Variants in PTPRD observed in about 807,000 individuals in gnomAD.
PTPRD encodes receptor-type tyrosine-protein phosphatase delta.
Under a neutral mutation model 214.5 loss-of-function variants are expected in PTPRD, and 34 were observed. The observed-to-expected ratio is 0.16, with a 90% CI of 0.12 to 0.21. PTPRD has a LOEUF of 0.21. Among genes scored for constraint, PTPRD ranks in the 10% least tolerant of loss-of-function variants. PTPRD has a pLI of 1.00. For missense variants in PTPRD, 2,545 were observed against 2,398.7 expected, an observed-to-expected ratio of 1.06 and a Z score of -1.27; for synonymous variants, 1,128 against 845.7, an observed-to-expected ratio of 1.33 and a Z score of -5.79.
At chr9:9,818,288 C>G (rs2049436361) in intron 5 of PTPRD, among the ~76,000 whole-genome samples, 1 of 152,012 alleles carries the variant, frequency 6.6e-6, no homozygotes. Flanking sequence ...ACATAGCTGC[C>G]AATGTGTAAA....
At chr9:9,928,936 G>T (rs754355999) in intron 5 of PTPRD, among the ~76,000 whole-genome samples, 8 of 151,948 alleles carry the variant, frequency 5.3e-5, no homozygotes, top group Admixed American at 1.3e-4. Context: ...TTTGTAAAAG[G>T]CTTTCACAAA....
chr9:8,409,791 T>C (rs12345077), intron 35 of PTPRD, among the ~76,000 whole-genome samples: 4,308 of 152,236 alleles, frequency 0.028, 203 homozygotes, highest in African/African-American at 0.099. Context: ...AAAAAGATCA[T>C]CCTGTTTTTG....
intron 12 of PTPRD, among the ~76,000 whole-genome samples, chr9:8,717,344 A>G (rs1054770130): frequency 2.6e-5 from 4 of 152,154 alleles, no homozygotes; most frequent in Non-Finnish European, 5.9e-5. Flanking sequence ...TCTATGACTC[A>G]TCAAGCACTT....
intron 7 of PTPRD, among the ~76,000 whole-genome samples, chr9:9,625,223 A>G (rs1276022514): frequency 6.6e-6 from 1 of 152,188 alleles, no homozygotes; most frequent in Non-Finnish European, 1.5e-5. Context: ...GGGGATATGG[A>G]CAGTACACAC....
chr9:9,059,182 T>C (rs17665194), intron 10 of PTPRD, among the ~76,000 whole-genome samples: 8,024 of 152,216 alleles, frequency 0.053, 285 homozygotes, highest in Middle Eastern at 0.11. Flanking sequence ...TCAGAAATCA[T>C]AGTAGAGTCA....
At chr9:9,540,447 A>G (rs949729346) in intron 8 of PTPRD, among the ~76,000 whole-genome samples, 1 of 151,814 alleles carries the variant, frequency 6.6e-6, no homozygotes, top group African/African-American at 2.4e-5. Flanking sequence ...TACAATGTAC[A>G]GTAATGAAGT....
intron 8 of PTPRD, among the ~76,000 whole-genome samples, chr9:9,406,953 T>C (rs2073679889): frequency 6.6e-6 from 1 of 151,570 alleles, no homozygotes; most frequent in Non-Finnish European, 1.5e-5. Context: ...ACAGATTAGA[T>C]TTGAATTAGG....
intron 35 of PTPRD, among the ~76,000 whole-genome samples, chr9:8,414,593 A>C (rs2093762267): frequency 6.7e-6 from 1 of 148,910 alleles, no homozygotes; most frequent in South Asian, 2.1e-4. Flanking sequence ...GGAAGGATAA[A>C]TATTCCAGAA....
chr9:9,541,282 T>C (rs942170407), intron 8 of PTPRD, among the ~76,000 whole-genome samples: 1 of 151,782 alleles, frequency 6.6e-6, no homozygotes, highest in South Asian at 2.1e-4. Flanking sequence ...AGGACTTCAG[T>C]TGCCATGATA....
At chr9:10,596,704 G>C (rs968931969) in intron 2 of PTPRD, among the ~76,000 whole-genome samples, 6 of 151,562 alleles carry the variant, frequency 4.0e-5, no homozygotes, top group Admixed American at 6.6e-5. Flanking sequence ...GAACCTAGTA[G>C]TAAAGAATGG....
chr9:10,523,193 T>C (rs1240685404), intron 2 of PTPRD, among the ~76,000 whole-genome samples: 2 of 152,042 alleles, frequency 1.3e-5, no homozygotes, highest in Admixed American at 1.3e-4. Context: ...TAAGTACATA[T>C]CGTGATGTTT....
chr9:9,991,381 A>G (rs6477440), intron 4 of PTPRD, among the ~76,000 whole-genome samples: 151,318 of 151,828 alleles, frequency 1, 75,410 homozygotes, highest in Middle Eastern at 1. Flanking sequence ...CTTTTTTTGA[A>G]ATGGAGTTTT....
chr9:8,937,980 T>C (rs911455924), intron 11 of PTPRD, among the ~76,000 whole-genome samples: 3 of 152,164 alleles, frequency 2.0e-5, no homozygotes, highest in Admixed American at 2.0e-4. Flanking sequence ...CACTAGAAAA[T>C]AAATACAATT....
chr9:10,424,763 C>T (rs1483669329), intron 2 of PTPRD, among the ~76,000 whole-genome samples: 3 of 151,830 alleles, frequency 2.0e-5, no homozygotes, highest in Non-Finnish European at 4.4e-5. Flanking sequence ...GCTATACTTC[C>T]CTTTAAAAAC....
chr9:9,798,936 G>A (rs993238533), intron 5 of PTPRD, among the ~76,000 whole-genome samples: 5 of 152,054 alleles, frequency 3.3e-5, no homozygotes, highest in African/African-American at 4.8e-5. Context: ...TTCTTTTAAT[G>A]TTTTTAAAAA....
intron 9 of PTPRD, among the ~76,000 whole-genome samples, chr9:9,363,770 T>C (rs903456204): frequency 1.3e-5 from 2 of 151,364 alleles, no homozygotes; most frequent in Non-Finnish European, 3.0e-5. Context: ...AGCAAAAACT[T>C]AGAAACCATC....
chr9:10,396,851 T>C (rs1186282397), intron 2 of PTPRD, among the ~76,000 whole-genome samples: 2 of 151,962 alleles, frequency 1.3e-5, no homozygotes, highest in Non-Finnish European at 1.5e-5. Flanking sequence ...GAGGCAGGCA[T>C]AGATTGAAGG....
At chr9:9,595,501 T>A (rs2093258308) in intron 7 of PTPRD, among the ~76,000 whole-genome samples, 1 of 150,702 alleles carries the variant, frequency 6.6e-6, no homozygotes, top group African/African-American at 2.4e-5. Context: ...TATGTACACA[T>A]GTACACATAT....
chr9:9,826,456 T>G (rs1213798596), intron 5 of PTPRD, among the ~76,000 whole-genome samples: 5 of 151,962 alleles, frequency 3.3e-5, no homozygotes, highest in South Asian at 4.1e-4. Flanking sequence ...GATTTTATTT[T>G]CAGTCATATG....
Sources: gnomAD v4.1 joint callset for allele counts (sites outside exome capture counted in the v4.1 genomes callset) on GRCh38, gnomAD v4.1.1 for gene constraint, MANE v1.5 for transcripts, NCBI Gene and HGNC (gene_info 2026-07-23, HGNC 2026-07-21) for gene names.